PTPRT: variants seen among roughly 807,000 people sequenced by gnomAD.
The protein encoded by PTPRT is receptor-type tyrosine-protein phosphatase T.
In PTPRT, 56 loss-of-function variants were observed where a neutral mutation model predicts 176.8. That is an observed-to-expected ratio of 0.32 (90% CI 0.26 to 0.40). The LOEUF (loss-of-function observed/expected upper bound fraction) is 0.40. Ranked by LOEUF, PTPRT falls within the 10% of genes least tolerant of loss-of-function variation. The probability of loss-of-function intolerance (pLI) is 1.00; values close to 1 mark genes in which losing one functional copy is unlikely to be tolerated. For missense variants in PTPRT, 1,540 were observed against 1,908.2 expected (o/e 0.81, Z 3.60); for synonymous variants, 783 against 739.0 (o/e 1.06, Z -0.96).
chr20:42,116,795 G>A (rs185417757), intron 21 of PTPRT, among the ~76,000 whole-genome samples: 1 of 152,314 alleles, frequency 6.6e-6, no homozygotes, highest in East Asian at 1.9e-4. Context: ...CTGGCACAGT[G>A]TTTGGCACTA....
At chr20:42,459,885 G>T (rs890617618) in intron 8 of PTPRT, among the ~76,000 whole-genome samples, 3 of 152,212 alleles carry the variant, frequency 2.0e-5, no homozygotes, top group South Asian at 4.2e-4. Flanking sequence ...TCAAAGTGCT[G>T]GGATTACAGG....
intron 1 of PTPRT, among the ~76,000 whole-genome samples, chr20:43,163,899 T>C (rs1348921400): frequency 6.6e-6 from 1 of 152,108 alleles, no homozygotes; most frequent in African/African-American, 2.4e-5. Context: ...TAAAAATGAG[T>C]TGCAAATTGA....
Position 42,685,706 on chromosome 20 carries a change from G to A in PTPRT, c.860-7547C>T, listed in dbSNP as rs998189356. On this transcript the variant is annotated intron_variant, in intron 6 of 30. Transcript: ENST00000373187. The stretch of plus-strand genomic sequence containing the variant: ...GATTTAAATACATGAAAACGCTGAC[G>A]TTTTTCTTAGGGTTATGAGAATATA... 10 of 152,106 alleles carry A rather than the reference G, an allele frequency of 6.6e-5. No homozygotes were observed. In the South Asian group the frequency reaches 1.2e-3, roughly 19 times the overall value. 9.4% of individuals were successfully genotyped at this position (152,106 alleles called of 1,614,324 possible).
At chr20:42,162,053 G>C (rs1247424784) in intron 16 of PTPRT, among the ~76,000 whole-genome samples, 1 of 151,346 alleles carries the variant, frequency 6.6e-6, no homozygotes, top group African/African-American at 2.4e-5. Flanking sequence ...TTTTTCCTTT[G>C]AGTTTTACCC....
In PTPRT at chr20:42,190,469, C is replaced by T. The variant is rs899795976; in HGVS notation, c.2491+8771G>A. Among the ~76,000 whole-genome samples, 7 of 152,176 alleles carry T rather than the reference C, an allele frequency of 4.6e-5. No individual in the cohort carries two copies. In the South Asian group the frequency reaches 1.5e-3, roughly 32 times the overall value. On this transcript the variant is annotated intron_variant, in intron 16 of 30. Coordinates refer to ENST00000373187, the MANE Select transcript of PTPRT (RefSeq NM_007050.6). ...TAGTTCATCTACCCAGGGAGGTGAG[C>T]TAGAGCCTTCCTCTCCCAGAGAGGC...
intron 7 of PTPRT, among the ~76,000 whole-genome samples, chr20:42,624,315 A>G (rs1324905487): frequency 2.0e-5 from 3 of 152,228 alleles, no homozygotes; most frequent in African/African-American, 7.2e-5. Context: ...GTGATTCAAC[A>G]TATAGTAATC....
chr20:42,301,964 C>A (rs909737912), intron 12 of PTPRT, among the ~76,000 whole-genome samples: 3 of 152,154 alleles, frequency 2.0e-5, no homozygotes, highest in African/African-American at 7.2e-5. Context: ...CGTTTCTTAG[C>A]TAACAACGTG....
chr20:42,232,817 A>C (rs1051699898), intron 15 of PTPRT, among the ~76,000 whole-genome samples: 2 of 149,036 alleles, frequency 1.3e-5, no homozygotes, highest in Admixed American at 6.6e-5. Flanking sequence ...GTTTTACAAA[A>C]AAAAAAAAAA....
intron 7 of PTPRT, among the ~76,000 whole-genome samples, chr20:42,554,538 A>G (rs915894174): frequency 2.0e-5 from 3 of 152,148 alleles, no homozygotes; most frequent in Admixed American, 1.3e-4. Flanking sequence ...CTTAGTGGGT[A>G]CTCAGGAAAT....
intron 7 of PTPRT, among the ~76,000 whole-genome samples, chr20:42,660,036 A>C (rs2075195670): frequency 6.6e-6 from 1 of 152,194 alleles, no homozygotes; most frequent in African/African-American, 2.4e-5. Context: ...TCCCTGTGTA[A>C]AATGACAGTG....
chr20:42,965,440 G>A lies in PTPRT; in HGVS notation c.89-79508C>T, dbSNP rs184858721. Among the ~76,000 whole-genome samples, 82 of 151,912 alleles carry A rather than the reference G, an allele frequency of 5.4e-4. 1 individual carries two copies. The East Asian group carries it at 0.012, about 23-fold the overall frequency. ...TAATAAACCGTAGTAAAATAATTAG[G>A]GAGTCATGAGTTTTGAAGATAACCT... On this transcript the variant is annotated intron_variant, in intron 1 of 30. Coordinates refer to ENST00000373187, the MANE Select transcript of PTPRT (RefSeq NM_007050.6).
Position 42,520,802 on chromosome 20 carries a change from C to CATATAT in PTPRT, c.1154-48246_1154-48241dup, listed in dbSNP as rs58797064. 9.4e-3 allele frequency among the ~76,000 whole-genome samples: 1,335 copies of CATATAT among 141,712 alleles called. 22 individuals are homozygous for CATATAT. Among genetic ancestry groups the CATATAT allele is most frequent in the African/African-American group, 0.029 (1,119 of 38,126 alleles). The allele number at this position is 141,712 out of a possible 152,430, so 93.0% of individuals were successfully genotyped here. ...TGTCAGCAGACAGAGCTTGGAAAGA[C>CATATAT]ATATATATATATATATATATGTATG... On this transcript the variant is annotated intron_variant, in intron 7 of 30. Transcript: ENST00000373187.
At chr20:42,208,612 C>T (rs1039093611) in intron 15 of PTPRT, among the ~76,000 whole-genome samples, 5 of 151,852 alleles carry the variant, frequency 3.3e-5, no homozygotes, top group Admixed American at 3.3e-4. Context: ...AATATATATG[C>T]ACCCAATACA....
intron 13 of PTPRT, among the ~76,000 whole-genome samples, chr20:42,271,411 C>T (rs141116456): frequency 1.3e-5 from 2 of 152,296 alleles, no homozygotes; most frequent in Admixed American, 1.3e-4. Flanking sequence ...GGGACAGATG[C>T]CCCTTCTTGT....
chr20:42,978,978 TTACTC>T (rs1452798754), intron 1 of PTPRT, among the ~76,000 whole-genome samples: 1 of 152,168 alleles, frequency 6.6e-6, no homozygotes, highest in Admixed American at 6.5e-5. Context: ...TGCTTTCTCT[TTACTC>T]TAGGAACTCA....
chr20:42,356,513 A>G (rs1378064588), intron 9 of PTPRT, among the ~76,000 whole-genome samples: 1 of 152,026 alleles, frequency 6.6e-6, no homozygotes, highest in African/African-American at 2.4e-5. Context: ...TGACCAACAC[A>G]GAGAAACCCC....
chr20:43,163,440 C>A (rs1009232204), intron 1 of PTPRT, among the ~76,000 whole-genome samples: 2 of 152,102 alleles, frequency 1.3e-5, no homozygotes, highest in African/African-American at 4.8e-5. Context: ...AGATCAAGAC[C>A]ATCCTGGCTA....
chr20:43,073,131 T>C lies in PTPRT; in HGVS notation c.88+116515A>G, dbSNP rs370438263. On this transcript the variant is annotated intron_variant, in intron 1 of 30. Coordinates refer to ENST00000373187, the MANE Select transcript of PTPRT (RefSeq NM_007050.6). The stretch of plus-strand genomic sequence containing the variant: ...CTGCAAAATACTAGCTCTCTTATCA[T>C]AAGGGGACCACACGCTCATGAAGGA... Among the ~76,000 whole-genome samples, 26 of 152,218 alleles carry C rather than the reference T, an allele frequency of 1.7e-4. No individual in the cohort carries two copies. In the South Asian group the frequency reaches 5.2e-3, roughly 30 times the overall value.
chr20:43,074,494 A>C (rs2011227644), intron 1 of PTPRT, among the ~76,000 whole-genome samples: 1 of 152,188 alleles, frequency 6.6e-6, no homozygotes, highest in Admixed American at 6.5e-5. Context: ...ACATTGAATA[A>C]GTCCTCATGT....
Sources: gnomAD v4.1 joint callset for allele counts (sites outside exome capture counted in the v4.1 genomes callset) on GRCh38, gnomAD v4.1.1 for gene constraint, MANE v1.5 for transcripts, NCBI Gene and HGNC (gene_info 2026-07-23, HGNC 2026-07-21) for gene names.